Variants in ROBO2 observed in about 807,000 individuals in gnomAD.
ROBO2 encodes roundabout guidance receptor 2.
Under a neutral mutation model 160.8 loss-of-function variants are expected in ROBO2, and 53 were observed. That is an observed-to-expected ratio of 0.33 (90% CI 0.26 to 0.41). ROBO2 has a LOEUF of 0.41. Among genes scored for constraint, ROBO2 ranks in the 10% least tolerant of loss-of-function variants. The pLI is 1.00. For synonymous variants in ROBO2, 664 were observed against 611.7 expected, an observed-to-expected ratio of 1.09 and a Z score of -1.26; for missense variants, 1,577 against 1,722.4, an observed-to-expected ratio of 0.92 and a Z score of 1.49.
At chr3:76,424,572 T>C (rs2076132282) in intron 2 of ROBO2, among the ~76,000 whole-genome samples, 1 of 152,134 alleles carries the variant, frequency 6.6e-6, no homozygotes, top group African/African-American at 2.4e-5. Context: ...AAATAAGATC[T>C]GAAGAGATAC....
intron 2 of ROBO2, among the ~76,000 whole-genome samples, chr3:76,614,063 G>A (rs527630305): frequency 7.2e-5 from 11 of 152,038 alleles, no homozygotes; most frequent in African/African-American, 2.7e-4. Context: ...CTATGGTGCA[G>A]GCAGATGATC....
chr3:76,435,421 C>T lies in ROBO2; in HGVS notation c.109+497819C>T. On this transcript the variant is annotated intron_variant, in intron 2 of 26. Transcript: ENST00000487694. ...TTGGTCACCACAGTGACAGAAATTG[C>T]TGGATAGGCAAAGTGTCTCTGGGTT... 4 of 776,464 alleles carry T rather than the reference C, an allele frequency of 5.2e-6. No homozygotes were observed. The South Asian group carries it at 5.4e-5, about 10-fold the overall frequency. 48.1% of individuals were successfully genotyped at this position (776,464 alleles called of 1,614,324 possible).
At chr3:76,495,535 T>C (rs924686475) in intron 2 of ROBO2, among the ~76,000 whole-genome samples, 18 of 152,242 alleles carry the variant, frequency 1.2e-4, no homozygotes, top group Admixed American at 2.6e-4. Context: ...TCTTTCTCCA[T>C]TCTAGTATTA....
At chr3:76,922,172 A>G (rs1321203038) in intron 2 of ROBO2, among the ~76,000 whole-genome samples, 7 of 152,040 alleles carry the variant, frequency 4.6e-5, no homozygotes, top group Admixed American at 4.6e-4. Context: ...TTATCCAGGC[A>G]TGGTGGCGGG....
intron 2 of ROBO2, among the ~76,000 whole-genome samples, chr3:76,655,801 T>G (rs2091492639): frequency 6.6e-6 from 1 of 150,618 alleles, no homozygotes; most frequent in African/African-American, 2.5e-5. Flanking sequence ...GGTCAAATCA[T>G]TCCCAGTTTT....
chr3:76,347,801 A>G (rs2074617765), intron 2 of ROBO2, among the ~76,000 whole-genome samples: 1 of 152,092 alleles, frequency 6.6e-6, no homozygotes, highest in South Asian at 2.1e-4. Context: ...ATTACTTTGC[A>G]GTGTCTGTTG....
intron 2 of ROBO2, among the ~76,000 whole-genome samples, chr3:77,152,158 T>G (rs2077599135): frequency 2.0e-5 from 3 of 152,322 alleles, no homozygotes; most frequent in South Asian, 2.1e-4. Flanking sequence ...ATTCAGAATC[T>G]TCTTGATACT....
intron 2 of ROBO2, among the ~76,000 whole-genome samples, chr3:76,914,752 T>C (rs904567922): frequency 6.6e-6 from 1 of 152,150 alleles, no homozygotes; most frequent in Non-Finnish European, 1.5e-5. Flanking sequence ...ATAATATTGT[T>C]TGCATTTTAG....
intron 2 of ROBO2, among the ~76,000 whole-genome samples, chr3:77,102,701 T>C (rs2072142471): frequency 6.6e-6 from 1 of 152,180 alleles, no homozygotes; most frequent in Non-Finnish European, 1.5e-5. Flanking sequence ...GCCAGTTCTT[T>C]ACCATACTGC....
intron 2 of ROBO2, among the ~76,000 whole-genome samples, chr3:76,112,885 T>C (rs919294466): frequency 3.3e-5 from 5 of 152,088 alleles, no homozygotes; most frequent in East Asian, 1.9e-4. Context: ...CACTGAAAAT[T>C]CTAAAATGTA....
chr3:76,301,978 T>G (rs1055615355), intron 2 of ROBO2, among the ~76,000 whole-genome samples: 1 of 152,076 alleles, frequency 6.6e-6, no homozygotes, highest in Non-Finnish European at 1.5e-5. Context: ...AGGCCATCCC[T>G]GATGAAGAAA....
chr3:77,215,237 CT>C, intron 2 of ROBO2, among the ~76,000 whole-genome samples: 1 of 152,300 alleles, frequency 6.6e-6, no homozygotes, highest in East Asian at 1.9e-4. Flanking sequence ...TAGATTTGGT[CT>C]TTTCACATAG....
At chr3:77,016,348 T>G (rs981573735) in intron 2 of ROBO2, among the ~76,000 whole-genome samples, 1 of 152,012 alleles carries the variant, frequency 6.6e-6, no homozygotes, top group Non-Finnish European at 1.5e-5. Context: ...ATGGTGCCAC[T>G]GTAAATCAGA....
intron 2 of ROBO2, among the ~76,000 whole-genome samples, chr3:76,652,882 G>C (rs2091315863): frequency 6.6e-6 from 1 of 151,854 alleles, no homozygotes; most frequent in Non-Finnish European, 1.5e-5. Flanking sequence ...CTAGCATTCT[G>C]GCATTGTGAT....
At chr3:77,312,147 G>A (rs910814237) in intron 2 of ROBO2, among the ~76,000 whole-genome samples, 2 of 151,992 alleles carry the variant, frequency 1.3e-5, no homozygotes, top group Admixed American at 6.6e-5. Flanking sequence ...TCCTTCTTGA[G>A]CATATATATG....
chr3:76,797,629 A>G (rs1343478505), intron 2 of ROBO2, among the ~76,000 whole-genome samples: 1 of 151,888 alleles, frequency 6.6e-6, no homozygotes, highest in East Asian at 1.9e-4. Flanking sequence ...ACAAAATGAA[A>G]CAAAAAAGTG....
chr3:76,806,425 A>C (rs1051593075), intron 2 of ROBO2, among the ~76,000 whole-genome samples: 2 of 152,018 alleles, frequency 1.3e-5, no homozygotes, highest in African/African-American at 4.8e-5. Context: ...TATGACAATG[A>C]AGCCTACAGA....
At chr3:76,206,766 A>G (rs772030589) in intron 2 of ROBO2, among the ~76,000 whole-genome samples, 5 of 152,174 alleles carry the variant, frequency 3.3e-5, no homozygotes, top group Non-Finnish European at 7.3e-5. Context: ...TCCTTTATAA[A>G]AGGGGATTCT....
At chr3:77,325,848 G>A (rs17015175) in intron 2 of ROBO2, among the ~76,000 whole-genome samples, 23,279 of 152,056 alleles carry the variant, frequency 0.15, 1,987 homozygotes, top group Admixed American at 0.27. Flanking sequence ...TCATTTGACA[G>A]TACAGATTAT....
Sources: gnomAD v4.1 joint callset for allele counts (sites outside exome capture counted in the v4.1 genomes callset) on GRCh38, gnomAD v4.1.1 for gene constraint, MANE v1.5 for transcripts, NCBI Gene and HGNC (gene_info 2026-07-23, HGNC 2026-07-21) for gene names.